The following PIGR variants were observed in gnomAD, a reference collection of about 807,000 sequenced individuals.
PIGR encodes the protein polymeric immunoglobulin receptor, also known as hepatocellular carcinoma associated protein TB6.
PIGR carries 22 observed loss-of-function variants against 69.5 expected under a neutral mutation model. That is an observed-to-expected ratio of 0.32 (90% confidence interval 0.23 to 0.45). The LOEUF (loss-of-function observed/expected upper bound fraction) is 0.45, where lower values mean the gene tolerates loss of function less well. PIGR is among the 20% of genes least tolerant of loss of function. The pLI, the probability that PIGR is intolerant of heterozygous loss-of-function variation, is 1.00. For missense variants in PIGR, 885 were observed against 974.0 expected (o/e 0.91, Z 1.22); for synonymous variants, 413 against 407.6 (o/e 1.01, Z -0.16).
At position 206,929,408 on chromosome 1, in the gene PIGR, G is replaced by T. The variant is rs556881401; in HGVS notation, c.*910C>A. 2 of 151,772 alleles carry T rather than the reference G, an allele frequency of 1.3e-5. No individual in the cohort carries two copies. Among genetic ancestry groups the T allele is most frequent in the African/African-American group, 2.4e-5 (1 of 41,266 alleles). The allele number at this position is 151,772 out of a possible 1,614,324, so 9.4% of individuals were successfully genotyped here. ...TAAAAATACAAAAAATTAGCCAGGC[G>T]TGCTGGCAGGCGCCTGTAGTCCCAG... On this transcript the variant is annotated 3_prime_UTR_variant, in exon 11 of 11. Coordinates refer to ENST00000356495, the MANE Select transcript of PIGR (RefSeq NM_002644.4).
intron 1 of PIGR, among the ~76,000 whole-genome samples, chr1:206,941,411 G>A (rs946430823): frequency 6.6e-6 from 1 of 152,178 alleles, no homozygotes; most frequent in Non-Finnish European, 1.5e-5. Flanking sequence ...TGTGTTATTT[G>A]TAGAGACCCT....
intron 1 of PIGR, among the ~76,000 whole-genome samples, chr1:206,944,984 A>AG (rs757498627): frequency 3.9e-5 from 6 of 152,220 alleles, no homozygotes; most frequent in African/African-American, 2.4e-5. Flanking sequence ...GTGAAAGCCC[A>AG]GGGCAAGTGG....
intron 3 of PIGR, 36 bp downstream of exon 3, chr1:206,939,083 C>A (rs753881896): frequency 1.3e-6 from 2 of 1,547,442 alleles, no homozygotes; most frequent in Middle Eastern, 2.0e-4. Flanking sequence ...TTCCCTCTAA[C>A]TTTCCCCCAG....
intron 1 of PIGR, among the ~76,000 whole-genome samples, chr1:206,945,709 C>G (rs1164038880): frequency 6.6e-6 from 1 of 152,192 alleles, no homozygotes; most frequent in African/African-American, 2.4e-5. Flanking sequence ...ATGCCTTTGC[C>G]AGAAAGCCAC....
At chr1:206,944,956 G>T (rs542198706) in intron 1 of PIGR, among the ~76,000 whole-genome samples, 1 of 152,246 alleles carries the variant, frequency 6.6e-6, no homozygotes, top group East Asian at 1.9e-4. Context: ...TGGTATCAAG[G>T]GAGAATGAGA....
At position 206,929,756 on chromosome 1, in the gene PIGR, A is replaced by G. The variant is rs1679693339; in HGVS notation, c.*562T>C. On this transcript the variant is annotated 3_prime_UTR_variant, in exon 11 of 11. Coordinates refer to ENST00000356495, the MANE Select transcript of PIGR (RefSeq NM_002644.4). Reference sequence around the variant, plus strand: ...TGAAAAGTTAAGACTCAGTGAGTATAAATACGCCAAGAAGAGCTGTGGCTT... The same window carrying G: ...TGAAAAGTTAAGACTCAGTGAGTATGAATACGCCAAGAAGAGCTGTGGCTT... 1 of 152,298 alleles carries G rather than the reference A, an allele frequency of 6.6e-6. No homozygotes were observed. The highest frequency in any genetic ancestry group is 6.5e-5 in the Admixed American group (1 of 15,280). 9.4% of individuals were successfully genotyped at this position (152,298 alleles called of 1,614,324 possible). A position where few individuals can be genotyped will look rare whatever the true frequency, so the allele number is the denominator to read the frequency against.
chr1:206,935,380 C>A lies in PIGR; in HGVS notation c.1378+106G>T, dbSNP rs1679842700. On this transcript the variant is annotated intron_variant, in intron 5 of 10. Coordinates refer to ENST00000356495, the MANE Select transcript of PIGR (RefSeq NM_002644.4). This position sits in a 1 kb window ranked among gnomAD's most constrained non-coding sequence, Gnocchi z 4.4. ...GGATAGGTGGGCTCCCTCCTGAGGT[C>A]TGGCCCATCAGGGTGGAGGCGGGTG... The A allele has an allele frequency of 2.1e-6, 2 of 944,364 alleles. No individual in the cohort carries two copies. Among genetic ancestry groups the A allele is most frequent in the East Asian group, 4.8e-5 (2 of 41,576 alleles). The allele number at this position is 944,364 out of a possible 1,614,324, so 58.5% of individuals were successfully genotyped here.
In PIGR at chr1:206,940,378, G is replaced by A. The variant is rs987689923; in HGVS notation, c.43+111C>T. The A allele has an allele frequency of 6.9e-6, 7 of 1,013,812 alleles. 1 individual carries two copies. In the East Asian group the frequency reaches 1.9e-4, roughly 27 times the overall value. The allele number at this position is 1,013,812 out of a possible 1,614,324, so 62.8% of individuals were successfully genotyped here. A position where few individuals can be genotyped will look rare whatever the true frequency, so the allele number is the denominator to read the frequency against. ...TTCCTCAAGGAAGTGCCAACTTTGAGAGGGACATCCCTGGGGATGAGTCTG... is the reference window on the plus strand; with the variant it reads ...TTCCTCAAGGAAGTGCCAACTTTGAAAGGGACATCCCTGGGGATGAGTCTG... On this transcript the variant is annotated intron_variant, in intron 2 of 10. Coordinates refer to ENST00000356495, the MANE Select transcript of PIGR (RefSeq NM_002644.4).
intron 4 of PIGR, among the ~76,000 whole-genome samples, chr1:206,936,104 A>G (rs1679858325): frequency 6.6e-6 from 1 of 152,084 alleles, no homozygotes; most frequent in Admixed American, 6.5e-5. Context: ...GTTGAAGGAG[A>G]GGATATCAGC....
intron 10 of PIGR, 124 bp downstream of exon 10, chr1:206,931,373 T>C: frequency 6.3e-7 from 1 of 1,598,386 alleles, no homozygotes; most frequent in Non-Finnish European, 8.5e-7. Flanking sequence ...CTGAGGACTA[T>C]TTATATCATC....
Position 206,932,482 on chromosome 1 carries a change from G to A in PIGR, c.1982C>T (p.Ala661Val), listed in dbSNP as rs1197782469. The stretch of plus-strand genomic sequence containing the variant: ...GACGTTCTTCCTGTGCCGGGCTCTG[G>A]CCACCCCCACAGCCACGGCTCCCAC... Reference protein sequence around the residue: ...LAVGAVAVGVARARHRKNVDR... With the variant: ...LAVGAVAVGVVRARHRKNVDR... The change falls in exon 8 of 11, where the codon GCC (alanine) becomes GTC (valine). Residue 661 changes from alanine to valine, a missense_variant. Transcript: ENST00000356495. 1.9e-6 allele frequency: 3 copies of A among 1,612,696 alleles called. No homozygotes were observed. The highest frequency in any genetic ancestry group is 2.5e-6 in the Non-Finnish European group (3 of 1,179,902).
intron 5 of PIGR, 140 bp from the exon 6 acceptor site, chr1:206,934,886 T>TAGA (rs1176249248): frequency 3.7e-6 from 2 of 534,322 alleles, no homozygotes; most frequent in Non-Finnish European, 6.3e-6. Context: ...TGAGACAAGG[T>TAGA]CTCTCTCTGT....
In PIGR at chr1:206,937,330, C is replaced by A. The variant is rs921049733; in HGVS notation, c.810G>T (p.Leu270=). ...AGTTTTCCCCACTGCTCTGTCGGCACAGAAATTTGGCCACGTTTGCCACCT... is the reference window on the plus strand; with the variant it reads ...AGTTTTCCCCACTGCTCTGTCGGCAAAGAAATTTGGCCACGTTTGCCACCT... ...GPEVANVAKF[L]CRQSSGENCD... is the part of the protein sequence containing the mutation. The change falls in exon 4 of 11, where the codon CTG becomes CTT. Residue 270 remains leucine, a synonymous_variant. Coordinates refer to ENST00000356495, the MANE Select transcript of PIGR (RefSeq NM_002644.4). 6.2e-7 allele frequency: 1 copy of A among 1,612,972 alleles called. No homozygotes were observed. Among genetic ancestry groups the A allele is most frequent in the Non-Finnish European group, 8.5e-7 (1 of 1,179,272 alleles).
chr1:206,934,921 C>A (rs1179723096), intron 5 of PIGR, among the ~76,000 whole-genome samples, 175 bp from the exon 6 acceptor site: 1 of 152,148 alleles, frequency 6.6e-6, no homozygotes. Context: ...GGTAGTGGTG[C>A]GATCATAGCT....
At position 206,930,603 on chromosome 1, in the gene PIGR, A is replaced by G; in HGVS notation, c.2200-190T>C. On this transcript the variant is annotated intron_variant, in intron 10 of 10. Coordinates refer to ENST00000356495, the MANE Select transcript of PIGR (RefSeq NM_002644.4). The surrounding 1 kb of genome is among the most constrained non-coding windows in gnomAD (Gnocchi z 4.3). ...CGCATTTTGAGAAATGGAAAGTTGCAGCCTCTAAAAATATCTTCTTCTGTC... is the reference window on the plus strand; with the variant it reads ...CGCATTTTGAGAAATGGAAAGTTGCGGCCTCTAAAAATATCTTCTTCTGTC... 1.0e-6 allele frequency: 1 copy of G among 985,348 alleles called. No homozygotes were observed. The highest frequency in any genetic ancestry group is 1.2e-6 in the Non-Finnish European group (1 of 829,910). The allele number at this position is 985,348 out of a possible 1,614,324, so 61.0% of individuals were successfully genotyped here.
At chr1:206,939,033 C>A in intron 3 of PIGR, 86 bp downstream of exon 3, 1 of 1,194,194 alleles carries the variant, frequency 8.4e-7, no homozygotes, top group Non-Finnish European at 1.2e-6. Context: ...ACATCCTTGT[C>A]AGGAAGTTCC....
chr1:206,932,849 A>T, intron 7 of PIGR, 137 bp downstream of exon 7: 1 of 886,572 alleles, frequency 1.1e-6, no homozygotes, highest in Non-Finnish European at 1.7e-6. Flanking sequence ...GGACCCTCCC[A>T]CATATAAGCA....
At position 206,931,718 on chromosome 1, in the gene PIGR, A is replaced by T. The variant is rs747803665; in HGVS notation, c.2093T>A (p.Met698Lys). 54 of 1,613,984 alleles carry T rather than the reference A, an allele frequency of 3.3e-5. 3 individuals are homozygous for T. The Middle Eastern group carries it at 6.6e-4, about 20-fold the overall frequency. ...NSREFGANDN[M>K]GASSITQETS... Reference sequence around the variant, plus strand: ...CTCCTGAGTGATCGAAGAGGCTCCCATGTTGTCATTGGCTCCAAATTCCCT... The same window carrying T: ...CTCCTGAGTGATCGAAGAGGCTCCCTTGTTGTCATTGGCTCCAAATTCCCT... Residue 698 changes from methionine (M) to lysine (K), a missense_variant, in exon 9 of 11, where the codon ATG becomes AAG. Met to Lys is a moderately conservative substitution (Grantham distance 95, BLOSUM62 -1). Coordinates refer to ENST00000356495, the MANE Select transcript of PIGR (RefSeq NM_002644.4).
chr1:206,935,573 G>T lies in PIGR; in HGVS notation c.1291C>A (p.Leu431Ile). The T allele has an allele frequency of 1.2e-6, 2 of 1,614,246 alleles. No individual in the cohort carries two copies. Among genetic ancestry groups the T allele is most frequent in the Non-Finnish European group, 1.7e-6 (2 of 1,180,036 alleles). Residue 431 changes from leucine to isoleucine, a missense_variant, in exon 5 of 11, where the codon CTC (leucine) becomes ATC (isoleucine). Transcript: ENST00000356495. This position sits in a 1 kb window ranked among gnomAD's most constrained non-coding sequence, Gnocchi z 4.4. ...TAGAAGCCGGCGTCCCGGCTGGTGAGCTGGTTGAGGATGACAGTGAAGGTG... is the reference window on the plus strand; with the variant it reads ...TAGAAGCCGGCGTCCCGGCTGGTGATCTGGTTGAGGATGACAGTGAAGGTG... ...NGTFTVILNQ[L>I]TSRDAGFYWC...
Sources: gnomAD v4.1 joint callset for allele counts (sites outside exome capture counted in the v4.1 genomes callset) on GRCh38, gnomAD v4.1.1 for gene constraint, Gnocchi (gnomAD v3.1) non-coding constraint, MANE v1.5 for transcripts, NCBI Gene and HGNC (gene_info 2026-07-23, HGNC 2026-07-21) for gene names.